SORL1: variants seen among roughly 807,000 people sequenced by gnomAD.
SORL1 encodes the protein sortilin-related receptor.
SORL1 carries 127 observed loss-of-function variants against 273.7 expected under a neutral mutation model. The ratio of observed to expected loss-of-function variants is 0.46; its 90% confidence interval spans 0.40 to 0.54. SORL1 has a LOEUF of 0.54. Among genes scored for constraint, SORL1 ranks in the 20% least tolerant of loss-of-function variants. SORL1 has a pLI of 0.00. For synonymous variants in SORL1, 1,031 were observed against 1,067.4 expected (o/e 0.97, Z 0.66); for missense variants, 2,494 against 2,846.1 (o/e 0.88, Z 2.81).
intron 6 of SORL1, among the ~76,000 whole-genome samples, chr11:121,499,511 C>G (rs1160941026): frequency 6.6e-6 from 1 of 152,202 alleles, no homozygotes; most frequent in Non-Finnish European, 1.5e-5. Context: ...CTGCCCTGAG[C>G]CTTCTACAGG....
intron 1 of SORL1, among the ~76,000 whole-genome samples, chr11:121,466,584 C>T (rs1462182501): frequency 6.6e-6 from 1 of 152,100 alleles, no homozygotes; most frequent in Non-Finnish European, 1.5e-5. Context: ...AAGGTGGAGA[C>T]AGAGGAGACA....
intron 21 of SORL1, among the ~76,000 whole-genome samples, chr11:121,564,660 T>G (rs1027211413): frequency 3.9e-5 from 6 of 151,996 alleles, no homozygotes; most frequent in Non-Finnish European, 8.8e-5. Context: ...AACTGCAGCC[T>G]CTGTCTCCTG....
intron 12 of SORL1, among the ~76,000 whole-genome samples, chr11:121,534,139 G>C (rs149211384): frequency 8.1e-4 from 124 of 152,336 alleles, no homozygotes; most frequent in Admixed American, 1.5e-3. Flanking sequence ...ATACTGCTAT[G>C]TGTGTAATAC....
intron 45 of SORL1, among the ~76,000 whole-genome samples, chr11:121,624,263 AG>A (rs544578429): frequency 1.1e-3 from 167 of 152,260 alleles, no homozygotes; most frequent in African/African-American, 3.8e-3. Context: ...TGATTATGCA[AG>A]GGGGCCCAAT....
At chr11:121,458,438 G>A (rs1349345613) in intron 1 of SORL1, among the ~76,000 whole-genome samples, 1 of 152,196 alleles carries the variant, frequency 6.6e-6, no homozygotes, top group Non-Finnish European at 1.5e-5. Flanking sequence ...TTAAATAAAT[G>A]TGATGGAAAG....
At position 121,539,988 on chromosome 11, in the gene SORL1, T is replaced by C. The variant is rs575008773; in HGVS notation, c.1686-3560T>C. On this transcript the variant is annotated intron_variant, in intron 12 of 47. Transcript: ENST00000260197. ...CCAGTCTGCCAATTATTTTGGTAAT[T>C]TGAAACATAAACCTTGATTCATTTT... Among the ~76,000 whole-genome samples the C allele has an allele frequency of 8.5e-4, 130 of 152,342 alleles. 1 individual carries two copies. The highest frequency in any genetic ancestry group is 3.0e-3 in the African/African-American group (124 of 41,584).
chr11:121,553,904 T>C (rs1206973857), intron 16 of SORL1, 33 bp from the exon 17 acceptor site: 6 of 1,597,800 alleles, frequency 3.8e-6, no homozygotes, highest in Non-Finnish European at 4.3e-6. Context: ...ATCCCCTGGG[T>C]CCAACCTCCC....
At position 121,545,385 on chromosome 11, in the gene SORL1, G is replaced by A. The variant is rs149691843; in HGVS notation, c.2007G>A (p.Pro669=). 87 of 1,614,132 alleles carry A rather than the reference G, an allele frequency of 5.4e-5. No individual in the cohort carries two copies. Among genetic ancestry groups the A allele is most frequent in the African/African-American group, 5.1e-4 (38 of 75,034 alleles). The stretch of plus-strand genomic sequence containing the variant: ...TCAATGGAGAGGACTTTGACAGGCC[G>A]GTGGTCGTGTCCAACTGCTCCTGCA... The part of the protein sequence containing the change: ...TCFNGEDFDR[P]VVVSNCSCTR... Residue 669 remains proline, a synonymous_variant, in exon 14 of 48, where the codon CCG becomes CCA. Transcript: ENST00000260197.
Position 121,490,766 on chromosome 11 carries a change from G to A in SORL1, c.758+656G>A, listed in dbSNP as rs540543454. The stretch of plus-strand genomic sequence containing the variant: ...AAAAAAAAAAAAAAAAAAAATTCCT[G>A]CATTTGTTCATAACATTTTCTTGAA... On this transcript the variant is annotated intron_variant, in intron 5 of 47. Coordinates refer to ENST00000260197, the MANE Select transcript of SORL1 (RefSeq NM_003105.6). Among the ~76,000 whole-genome samples the A allele has an allele frequency of 1.0e-3, 151 of 148,038 alleles. 1 individual carries two copies. The highest frequency in any genetic ancestry group is 2.7e-3 in the African/African-American group (108 of 40,236).
chr11:121,570,033 A>G, intron 22 of SORL1, 124 bp from the exon 23 acceptor site: 1 of 548,468 alleles, frequency 1.8e-6, no homozygotes, highest in Non-Finnish European at 3.3e-6. Context: ...ATTTCACCCG[A>G]TATCTGGCTG....
At chr11:121,583,762 T>C (rs1863050348) in intron 26 of SORL1, among the ~76,000 whole-genome samples, 179 bp downstream of exon 26, 1 of 152,222 alleles carries the variant, frequency 6.6e-6, no homozygotes, top group Admixed American at 6.5e-5. Flanking sequence ...TCAGATTATA[T>C]TATATAGTCT....
intron 12 of SORL1, among the ~76,000 whole-genome samples, chr11:121,535,840 A>G (rs1011441268): frequency 6.6e-6 from 1 of 152,188 alleles, no homozygotes; most frequent in African/African-American, 2.4e-5. Context: ...GAAGTGGAAC[A>G]CTTTGTTTTG....
At position 121,595,927 on chromosome 11, in the gene SORL1, C is replaced by T. The variant is rs1213208505; in HGVS notation, c.4519+155C>T. ...TACTGCATTCTCCACAAGCGCTTTG[C>T]CACGTGCACCCATACCATTGCGTTA... is the stretch of plus-strand genomic sequence containing the variant. On this transcript the variant is annotated intron_variant, in intron 32 of 47. Transcript: ENST00000260197. The surrounding 1 kb of genome is among the most constrained non-coding windows in gnomAD (Gnocchi z 5.1). Among the ~76,000 whole-genome samples, 1 of 152,244 alleles carries T rather than the reference C, an allele frequency of 6.6e-6. No individual in the cohort carries two copies. The highest frequency in any genetic ancestry group is 1.9e-4 in the East Asian group (1 of 5,202).
At position 121,490,107 on chromosome 11, in the gene SORL1, C is replaced by T; in HGVS notation, c.755C>T (p.Ser252Phe). The change falls in exon 5 of 48, where the codon TCT becomes TTT. Residue 252 changes from serine (S) to phenylalanine (F), a missense_variant. Physicochemically the swap from Ser to Phe is radical, Grantham distance 155. Around this residue, in one of 3 missense-constraint regions of SORL1, gnomAD observed 710 missense variants for 882.5 expected, o/e 0.80. Transcript: ENST00000260197. ...ATTCAGGAACATGTCAAGTCCTTTT[C>T]TTGGTAAGTTGTGTCATCTAAGAAA... is the stretch of plus-strand genomic sequence containing the variant. ...IMIQEHVKSF[S>F]WGIDPYDKPN... is the part of the protein sequence containing the mutation. The T allele has an allele frequency of 6.2e-7, 1 of 1,612,030 alleles. No homozygotes were observed. Among genetic ancestry groups the T allele is most frequent in the Non-Finnish European group, 8.5e-7 (1 of 1,178,068 alleles).
intron 3 of SORL1, among the ~76,000 whole-genome samples, chr11:121,478,714 T>C (rs916448657): frequency 6.7e-6 from 1 of 149,536 alleles, no homozygotes; most frequent in African/African-American, 2.5e-5. Context: ...GTGTGTGTGC[T>C]TGTGTGCATG....
intron 31 of SORL1, among the ~76,000 whole-genome samples, chr11:121,594,586 T>C (rs1477150661): frequency 2.0e-5 from 3 of 152,194 alleles, no homozygotes; most frequent in Admixed American, 6.5e-5. Flanking sequence ...GTTTTCTTTT[T>C]TTCTTGGATA....
chr11:121,473,057 T>C (rs921510876), intron 2 of SORL1, among the ~76,000 whole-genome samples: 1 of 152,074 alleles, frequency 6.6e-6, no homozygotes, highest in African/African-American at 2.4e-5. Context: ...TTCCTCTCTA[T>C]ACAAACTGTG....
Position 121,611,112 on chromosome 11 carries a change from G to T in SORL1, c.5276G>T (p.Gly1759Val). 6.2e-7 allele frequency: 1 copy of T among 1,613,824 alleles called. No individual in the cohort carries two copies. The highest frequency in any genetic ancestry group is 8.5e-7 in the Non-Finnish European group (1 of 1,179,724). The change falls in exon 39 of 48, where the codon GGT becomes GTT. Residue 1759 changes from glycine to valine, a missense_variant. Gly to Val is a moderately radical substitution (Grantham distance 109, BLOSUM62 -3). Transcript: ENST00000260197. ...CCAGATATCCACATTGACAGCTATG[G>T]TGAAAATTATCTAAGCTTCACCCTG... Reference protein sequence around the residue: ...PPPDIHIDSYGENYLSFTLTM... With the variant: ...PPPDIHIDSYVENYLSFTLTM...
chr11:121,583,617 C>T, intron 26 of SORL1, 34 bp downstream of exon 26: 1 of 1,580,142 alleles, frequency 6.3e-7, no homozygotes, highest in East Asian at 2.3e-5. Flanking sequence ...CTCCCTGAGC[C>T]TCCCCAGTGT....
Sources: allele counts gnomAD v4.1 joint callset (sites outside exome capture counted in the v4.1 genomes callset), GRCh38; gene constraint gnomAD v4.1.1; regional missense constraint gnomAD v4.1.1; non-coding constraint Gnocchi (gnomAD v3.1); transcripts MANE v1.5; gene names NCBI Gene and HGNC (gene_info 2026-07-23, HGNC 2026-07-21).